Variants in NDUFS1 observed in about 807,000 individuals in gnomAD.
The protein encoded by NDUFS1 is NADH-ubiquinone oxidoreductase 75 kDa subunit, mitochondrial.
NDUFS1 carries 61 observed loss-of-function variants against 84.4 expected under a neutral mutation model. The ratio of observed to expected loss-of-function variants is 0.72; its 90% confidence interval spans 0.59 to 0.89. The LOEUF (loss-of-function observed/expected upper bound fraction) is 0.89, where lower values mean the gene tolerates loss of function less well. NDUFS1 is among the 40% of genes least tolerant of loss of function. NDUFS1 has a pLI of 0.00. For synonymous variants in NDUFS1, 275 were observed against 290.0 expected (o/e 0.95, Z 0.53); for missense variants, 891 against 890.0 (o/e 1.00, Z -0.01).
chr2:206,150,051 A>ATCTATCTATCTATCTG (rs1692314518), intron 3 of NDUFS1, 126 bp from the exon 4 acceptor site: 3 of 719,834 alleles, frequency 4.2e-6, no homozygotes, highest in Non-Finnish European at 7.1e-6. Flanking sequence ...CTATCTATCT[A>ATCTATCTATCTATCTG]TCTTAATTCA....
rs1483768159 is a variant in NDUFS1 at position 206,118,237 on chromosome 2, T to C, written c.*5948A>G. ...AATCTGTGATCTGAAATCTAGTCAG[T>C]TTTCTCATTAACATCCTTGTCCCTT... On this transcript the variant is annotated 3_prime_UTR_variant, in exon 19 of 19. Transcript: ENST00000233190. 6.6e-6 allele frequency: 1 copy of C among 152,228 alleles called. No individual in the cohort carries two copies. Among genetic ancestry groups the C allele is most frequent in the Non-Finnish European group, 1.5e-5 (1 of 68,044 alleles). 9.4% of individuals were successfully genotyped at this position (152,228 alleles called of 1,614,324 possible).
In NDUFS1 at chr2:206,124,063, T is replaced by C; in HGVS notation, c.*122A>G. Reference sequence around the variant, plus strand: ...TTTTCAAATAGGCATAGTATAACCTTAAATATTACATGATTCAAATTATTA... The same window carrying C: ...TTTTCAAATAGGCATAGTATAACCTCAAATATTACATGATTCAAATTATTA... On this transcript the variant is annotated 3_prime_UTR_variant, in exon 19 of 19. Transcript: ENST00000233190. 1.4e-6 allele frequency: 1 copy of C among 735,650 alleles called. No homozygotes were observed. Among genetic ancestry groups the C allele is most frequent in the South Asian group, 1.7e-5 (1 of 59,836 alleles). The allele number at this position is 735,650 out of a possible 1,614,324, so 45.6% of individuals were successfully genotyped here. A position where few individuals can be genotyped will look rare whatever the true frequency, so the allele number is the denominator to read the frequency against.
chr2:206,152,507 C>T lies in NDUFS1; in HGVS notation c.65G>A (p.Arg22Gln), dbSNP rs767457281. 51 of 1,613,498 alleles carry T rather than the reference C, an allele frequency of 3.2e-5. No individual in the cohort carries two copies. Among genetic ancestry groups the T allele is most frequent in the Non-Finnish European group, 4.0e-5 (47 of 1,179,656 alleles). ...GTTGCTTGCTGCTGTGGCAGTTGTTCGAACTGACCATCAAAGATATTGAAG... is the reference window on the plus strand; with the variant it reads ...GTTGCTTGCTGCTGTGGCAGTTGTTTGAACTGACCATCAAAGATATTGAAG... ...GLSKSPKGCV[R>Q]TTATAASNLI... Residue 22 changes from arginine to glutamine, a missense_variant, in exon 3 of 19, where the codon CGA (arginine) becomes CAA (glutamine). Transcript: ENST00000233190.
chr2:206,140,311 T>C (rs1691886559), intron 12 of NDUFS1, among the ~76,000 whole-genome samples: 2 of 151,978 alleles, frequency 1.3e-5, no homozygotes, highest in Admixed American at 6.6e-5. Flanking sequence ...ATCATGCTAA[T>C]ATACCTTAGC....
intron 13 of NDUFS1, among the ~76,000 whole-genome samples, chr2:206,137,042 C>T (rs1691744692): frequency 6.6e-6 from 1 of 152,106 alleles, no homozygotes; most frequent in African/African-American, 2.4e-5. Context: ...TGTGAGCCAC[C>T]ATGCCCGGCC....
In NDUFS1 at chr2:206,152,414, C is replaced by T; in HGVS notation, c.153+5G>A. On this transcript the variant is annotated splice_donor_5th_base_variant and intron_variant, in intron 3 of 18. Transcript: ENST00000233190. ...ACACACAAAATAGTTAGAATGTATG[C>T]CTACTTGGAGGACGGTCGTTCCCGG... 6.2e-7 allele frequency: 1 copy of T among 1,611,494 alleles called. No homozygotes were observed. The highest frequency in any genetic ancestry group is 8.5e-7 in the Non-Finnish European group (1 of 1,177,724).
intron 10 of NDUFS1, among the ~76,000 whole-genome samples, chr2:206,143,516 A>T (rs1297515594): frequency 6.6e-6 from 1 of 151,106 alleles, no homozygotes; most frequent in Non-Finnish European, 1.5e-5. Context: ...TATTCCCTCC[A>T]CTTGTACTCT....
rs1690929384 is a variant in NDUFS1 at position 206,115,822 on chromosome 2, G to A, written c.*8363C>T. The A allele has an allele frequency of 2.3e-6, 1 of 427,784 alleles. No homozygotes were observed. The highest frequency in any genetic ancestry group is 4.3e-6 in the Non-Finnish European group (1 of 230,046). The allele number at this position is 427,784 out of a possible 1,614,324, so 26.5% of individuals were successfully genotyped here. A position where few individuals can be genotyped will look rare whatever the true frequency, so the allele number is the denominator to read the frequency against. On this transcript the variant is annotated 3_prime_UTR_variant, in exon 19 of 19. Transcript: ENST00000233190. ...AATAACAACATTATCTTTGAATTAT[G>A]TAATTTTTGTAACTAATTTTTACCA...
chr2:206,144,869 A>T, intron 9 of NDUFS1, 23 bp downstream of exon 9: 1 of 1,609,708 alleles, frequency 6.2e-7, no homozygotes, highest in Non-Finnish European at 8.5e-7. Context: ...TGTAAAAGTT[A>T]AGGAAAACAA....
chr2:206,137,023 G>A (rs1691743814), intron 13 of NDUFS1, among the ~76,000 whole-genome samples: 1 of 151,982 alleles, frequency 6.6e-6, no homozygotes, highest in South Asian at 2.1e-4. Context: ...AAAGTGCTGG[G>A]ATTACAGATG....
At chr2:206,130,294 A>C (rs1691461152) in intron 14 of NDUFS1, 52 bp from the exon 15 acceptor site, 1 of 1,591,094 alleles carries the variant, frequency 6.3e-7, no homozygotes, top group Admixed American at 1.7e-5. Flanking sequence ...TCAATGTAAA[A>C]AATTAAATGT....
intron 2 of NDUFS1, 23 bp downstream of exon 2, chr2:206,153,595 T>C (rs1237216097): frequency 7.0e-7 from 1 of 1,434,216 alleles, no homozygotes; most frequent in Non-Finnish European, 9.8e-7. Context: ...TATCCACGAA[T>C]GCAAATTTAA....
At chr2:206,148,985 A>C (rs764790445) in intron 5 of NDUFS1, 35 bp downstream of exon 5, 126 of 1,479,248 alleles carry the variant, frequency 8.5e-5, no homozygotes, top group Non-Finnish European at 1.2e-4. Context: ...TTTCTGCTTT[A>C]TGAAAGGGTA....
chr2:206,143,649 T>A (rs966536348), intron 10 of NDUFS1, among the ~76,000 whole-genome samples: 3 of 151,922 alleles, frequency 2.0e-5, no homozygotes, highest in African/African-American at 7.3e-5. Flanking sequence ...TGGTGCGATC[T>A]CGGCTCACTG....
chr2:206,148,900 GA>G, intron 5 of NDUFS1, 119 bp downstream of exon 5: 2 of 754,490 alleles, frequency 2.7e-6, no homozygotes, highest in Non-Finnish European at 4.7e-6. Flanking sequence ...CCTAGAAGCT[GA>G]GCACACCAAC....
intron 15 of NDUFS1, 66 bp from the exon 16 acceptor site, chr2:206,128,038 G>A: frequency 6.7e-7 from 1 of 1,498,302 alleles, no homozygotes; most frequent in Non-Finnish European, 9.2e-7. Flanking sequence ...TGTACATGAA[G>A]ATAGTATATA....
intron 2 of NDUFS1, 116 bp from the exon 3 acceptor site, chr2:206,152,626 T>C (rs930961660): frequency 1.6e-5 from 13 of 818,132 alleles, no homozygotes; most frequent in Non-Finnish European, 2.5e-5. Flanking sequence ...ATTATTCCTC[T>C]GTATTGCTCT....
At chr2:206,129,333 G>A (rs1691415723) in intron 15 of NDUFS1, among the ~76,000 whole-genome samples, 1 of 152,036 alleles carries the variant, frequency 6.6e-6, no homozygotes, top group South Asian at 2.1e-4. Flanking sequence ...CGTGATCATG[G>A]CTCATTGCAG....
chr2:206,153,765 AT>A, intron 1 of NDUFS1, 83 bp from the exon 2 acceptor site: 1 of 743,670 alleles, frequency 1.3e-6, no homozygotes, highest in Non-Finnish European at 2.3e-6. Context: ...GCTTTAAATT[AT>A]TTCACATACA....
Sources: allele counts gnomAD v4.1 joint callset (sites outside exome capture counted in the v4.1 genomes callset), GRCh38; gene constraint gnomAD v4.1.1; transcripts MANE v1.5; gene names NCBI Gene and HGNC (gene_info 2026-07-23, HGNC 2026-07-21).